Variants in RXYLT1 observed in about 807,000 individuals in gnomAD.
RXYLT1 encodes the protein ribitol-5-phosphate xylosyltransferase 1.
A neutral mutation model predicts 43.5 loss-of-function variants in RXYLT1; 41 were observed. The observed-to-expected ratio is 0.94, with a 90% CI of 0.73 to 1.22. The LOEUF is 1.22. RXYLT1 is among the 50% of genes most tolerant of loss of function. The probability of loss-of-function intolerance (pLI) is 0.00; values close to 1 mark genes in which losing one functional copy is unlikely to be tolerated. For missense variants in RXYLT1, 514 were observed against 532.0 expected, an observed-to-expected ratio of 0.97 and a Z score of 0.33; for synonymous variants, 166 against 194.4, an observed-to-expected ratio of 0.85 and a Z score of 1.21.
intron 5 of RXYLT1, chr12:63,807,992 C>CA (rs1898345926): frequency 6.5e-6 from 1 of 152,816 alleles, no homozygotes; most frequent in Non-Finnish European, 1.5e-5. Context: ...CAAAAGCCTG[C>CA]ATGATAGAGT....
Position 63,802,243 on chromosome 12 carries a change from A to G in RXYLT1, c.581A>G (p.Gln194Arg), listed in dbSNP as rs1237913669. The G allele has an allele frequency of 1.9e-6, 3 of 1,614,098 alleles. No homozygotes were observed. The South Asian group carries it at 3.3e-5, about 18-fold the overall frequency. Residue 194 changes from glutamine to arginine, a missense_variant, in exon 4 of 6, where the codon CAG becomes CGG. Transcript: ENST00000261234. The part of the protein sequence containing the change: ...AQNLVQIQKL[Q>R]HLAVVLLGNE... Reference sequence around the variant, plus strand: ...AATTTAGTGCAAATTCAAAAACTCCAGCATCTTGCTGTTGTTTTGCTCGGA... The same window carrying G: ...AATTTAGTGCAAATTCAAAAACTCCGGCATCTTGCTGTTGTTTTGCTCGGA...
intron 3 of RXYLT1, among the ~76,000 whole-genome samples, chr12:63,799,302 C>CTTTTTTTTTTTTTTTTTTTT (rs11312130): frequency 3.4e-4 from 24 of 71,578 alleles, no homozygotes; most frequent in Admixed American, 8.6e-4. Context: ...CTTTTCTTTT[C>CTTTTTTTTTTTTTTTTTTTT]TTTTTTTTTT....
intron 4 of RXYLT1, among the ~76,000 whole-genome samples, chr12:63,803,546 C>T (rs1898214478): frequency 6.6e-6 from 1 of 152,142 alleles, no homozygotes; most frequent in South Asian, 2.1e-4. Flanking sequence ...ACAGATGTCA[C>T]TGGCACATCT....
rs1336236364 is a variant in RXYLT1, at chr12:63,805,343, C to T, written c.853C>T (p.Leu285=). Residue 285 remains leucine (L), a synonymous_variant, in exon 5 of 6, where the codon CTA becomes TTA. Transcript: ENST00000261234. The part of the protein sequence containing the change: ...TIYENSSRQA[L]MNILKKDGND... ...TTATGAAAATTCATCCAGACAGGCA[C>T]TAATGAACATTTTGAAAAAAGATGG... 6.2e-7 allele frequency: 1 copy of T among 1,611,824 alleles called. No homozygotes were observed. The highest frequency in any genetic ancestry group is 8.5e-7 in the Non-Finnish European group (1 of 1,179,304).
chr12:63,793,343 G>A (rs1223408209), intron 3 of RXYLT1, among the ~76,000 whole-genome samples: 1 of 151,894 alleles, frequency 6.6e-6, no homozygotes, highest in Non-Finnish European at 1.5e-5. Flanking sequence ...TCAGGGTTAT[G>A]TTTACTACTT....
chr12:63,782,143 T>C (rs1897699060), intron 2 of RXYLT1, among the ~76,000 whole-genome samples: 1 of 152,140 alleles, frequency 6.6e-6, no homozygotes, highest in Non-Finnish European at 1.5e-5. Flanking sequence ...TTTCATCAAA[T>C]GCTACCTTTT....
At chr12:63,806,738 C>G (rs1469223621) in intron 5 of RXYLT1, 1 of 147,840 alleles carries the variant, frequency 6.8e-6, no homozygotes. Flanking sequence ...CCCTAATAAT[C>G]CCAATTTTGA....
chr12:63,802,501 TGG>T, intron 4 of RXYLT1, 96 bp downstream of exon 4: 1 of 1,234,026 alleles, frequency 8.1e-7, no homozygotes, highest in African/African-American at 1.5e-5. Flanking sequence ...TTAGTTCTTC[TGG>T]GATTATTGAG....
Position 63,792,652 on chromosome 12 carries a change from A to G in RXYLT1, c.428+7580A>G, listed in dbSNP as rs1388210434. ...AAGAATCCTGAGTCAACAGCAACAT[A>G]TGAAGTGGTTGCTGTGTTCCAGGGG... On this transcript the variant is annotated intron_variant, in intron 3 of 5. Coordinates refer to ENST00000261234, the MANE Select transcript of RXYLT1 (RefSeq NM_014254.3). Among the ~76,000 whole-genome samples the G allele has an allele frequency of 2.6e-5, 4 of 152,286 alleles. No homozygotes were observed. The East Asian group carries it at 7.7e-4, about 29-fold the overall frequency.
Position 63,780,019 on chromosome 12 carries a change from C to G in RXYLT1, c.59C>G (p.Ser20Cys), listed in dbSNP as rs773907745. The change falls in exon 1 of 6, where the codon TCC (serine) becomes TGC (cysteine). Residue 20 changes from serine to cysteine, a missense_variant. Ser to Cys is a moderately radical substitution (Grantham distance 112, BLOSUM62 -1). Transcript: ENST00000261234. ...CTTATCGCCCTGTACTGCCTATTCT[C>G]CCTCTACGCTGCCTACCACGTCTTC... ...SFLIALYCLF[S>C]LYAAYHVFFG... is the part of the protein sequence containing the mutation. 1 of 1,610,422 alleles carries G rather than the reference C, an allele frequency of 6.2e-7. No homozygotes were observed. Among genetic ancestry groups the G allele is most frequent in the Admixed American group, 1.7e-5 (1 of 59,878 alleles).
In RXYLT1 at chr12:63,781,124, C is replaced by T. The variant is rs73122634; in HGVS notation, c.275C>T (p.Thr92Met). The change falls in exon 2 of 6, where the codon ACG (threonine) becomes ATG (methionine). Residue 92 changes from threonine to methionine, a missense_variant. By Grantham distance (81) the Thr-to-Met change is moderately conservative. Transcript: ENST00000261234. ...KTSLQILDKS[T>M]KGKTDLSVQI... ...AGCCTTCAAATATTAGATAAATCCA[C>T]GAAAGGAAAAACAGATCTCAGTGTA... The T allele has an allele frequency of 4.3e-3, 6,951 of 1,606,588 alleles. 25 individuals are homozygous for T. Among genetic ancestry groups the T allele is most frequent in the Non-Finnish European group, 4.4e-3 (5,236 of 1,177,090 alleles).
intron 3 of RXYLT1, among the ~76,000 whole-genome samples, chr12:63,793,570 T>A (rs1462301564): frequency 6.6e-6 from 1 of 152,190 alleles, no homozygotes; most frequent in Non-Finnish European, 1.5e-5. Flanking sequence ...TAATATATAA[T>A]ATTTCTACAA....
At chr12:63,793,534 AAAAG>A (rs1405051966) in intron 3 of RXYLT1, among the ~76,000 whole-genome samples, 1 of 152,206 alleles carries the variant, frequency 6.6e-6, no homozygotes, top group Non-Finnish European at 1.5e-5. Context: ...AAGCAAATAA[AAAAG>A]AAAACTTTTT....
At position 63,802,121 on chromosome 12, in the gene RXYLT1, G is replaced by A. The variant is rs200869911; in HGVS notation, c.459G>A (p.Gly153=). The A allele has an allele frequency of 3.1e-6, 5 of 1,609,960 alleles. No homozygotes were observed. In the East Asian group the frequency reaches 6.7e-5, roughly 22 times the overall value. The change falls in exon 4 of 6, where the codon GGG becomes GGA. Residue 153 remains glycine, a synonymous_variant. Coordinates refer to ENST00000261234, the MANE Select transcript of RXYLT1 (RefSeq NM_014254.3). ...TCACTGGTCCAGCTGTAATACCAGG[G>A]TACTTCTCCGTTGATGTGAATAATG... ...SFITGPAVIP[G]YFSVDVNNVV...
intron 3 of RXYLT1, among the ~76,000 whole-genome samples, chr12:63,788,315 G>C (rs1196359556): frequency 6.6e-6 from 1 of 152,154 alleles, no homozygotes; most frequent in Non-Finnish European, 1.5e-5. Flanking sequence ...CCTGATAAGA[G>C]AATCAGCCTG....
In RXYLT1 at chr12:63,803,181, C is replaced by CAAA. The variant is rs763579072; in HGVS notation, c.743+804_743+806dup. Among the ~76,000 whole-genome samples, 67 of 22,596 alleles carry CAAA rather than the reference C, an allele frequency of 3.0e-3. 10 individuals are homozygous for CAAA. Among genetic ancestry groups the CAAA allele is most frequent in the East Asian group, 0.01 (8 of 778 alleles). The allele number at this position is 22,596 out of a possible 152,430, so 14.8% of individuals were successfully genotyped here. ...ACAGAGTGAGATGAGACTGTCTCAC[C>CAAA]AAAAAAAAAAAAAAAAAAAAAAAAA... is the stretch of plus-strand genomic sequence containing the variant. On this transcript the variant is annotated intron_variant, in intron 4 of 5. Coordinates refer to ENST00000261234, the MANE Select transcript of RXYLT1 (RefSeq NM_014254.3).
At position 63,805,282 on chromosome 12, in the gene RXYLT1, T is replaced by A. The variant is rs746247210; in HGVS notation, c.792T>A (p.Asp264Glu). The A allele has an allele frequency of 6.2e-7, 1 of 1,613,556 alleles. No individual in the cohort carries two copies. The highest frequency in any genetic ancestry group is 8.5e-7 in the Non-Finnish European group (1 of 1,179,826). The change falls in exon 5 of 6, where the codon GAT (aspartate) becomes GAA (glutamate). Residue 264 changes from aspartate to glutamate, a missense_variant. Physicochemically the swap from Asp to Glu is conservative, Grantham distance 45 (BLOSUM62 2). Coordinates refer to ENST00000261234, the MANE Select transcript of RXYLT1 (RefSeq NM_014254.3). Reference protein sequence around the residue: ...VVEASWSMLHDERPYLCNFLG... With the variant: ...VVEASWSMLHEERPYLCNFLG... ...AGGCAAGTTGGTCAATGCTGCATGA[T>A]GAGAGGCCATATTTATGTAATTTCT...
chr12:63,800,451 G>T (rs1898134280), intron 3 of RXYLT1, among the ~76,000 whole-genome samples: 1 of 152,168 alleles, frequency 6.6e-6, no homozygotes, highest in Non-Finnish European at 1.5e-5. Flanking sequence ...AAGTTGTAAA[G>T]AATCTAGGAT....
chr12:63,794,103 G>A (rs1226223470), intron 3 of RXYLT1, among the ~76,000 whole-genome samples: 2 of 152,174 alleles, frequency 1.3e-5, no homozygotes, highest in African/African-American at 2.4e-5. Context: ...AACTTTTCGT[G>A]TTACTGGTAC....
Sources: allele counts gnomAD v4.1 joint callset (sites outside exome capture counted in the v4.1 genomes callset), GRCh38; gene constraint gnomAD v4.1.1; transcripts MANE v1.5; gene names NCBI Gene and HGNC (gene_info 2026-07-23, HGNC 2026-07-21).